Variants in NLRP11 observed in about 807,000 individuals in gnomAD.
NLRP11 encodes the protein NACHT, LRR and PYD domains-containing protein 11.
Under a neutral mutation model 79.3 loss-of-function variants are expected in NLRP11, and 53 were observed. That is an observed-to-expected ratio of 0.67 (90% confidence interval 0.54 to 0.84). The LOEUF (loss-of-function observed/expected upper bound fraction) is 0.84. Ranked by LOEUF, NLRP11 falls within the 40% of genes least tolerant of loss-of-function variation. NLRP11 has a pLI of 0.00. For missense variants in NLRP11, 1,264 were observed against 1,255.0 expected (o/e 1.01, Z -0.11); for synonymous variants, 518 against 462.6 (o/e 1.12, Z -1.54).
chr19:55,827,355 C>A (rs111843426), intron 1 of NLRP11, among the ~76,000 whole-genome samples: 1 of 141,988 alleles, frequency 7.0e-6, no homozygotes, highest in Non-Finnish European at 1.5e-5. Flanking sequence ...ATAGGCATGG[C>A]CAAGGACTTC....
rs1989800796 is a variant in NLRP11 at position 55,785,432 on chromosome 19, T to C, written c.*193A>G. On this transcript the variant is annotated 3_prime_UTR_variant, in exon 10 of 10. Transcript: ENST00000589093. ...ATGCATTTTATCCTTTATTACTTCA[T>C]ATAATCCTTTTAATACTCTTGAGAC... 6.1e-5 allele frequency: 34 copies of C among 555,948 alleles called. No homozygotes were observed. In the East Asian group the frequency reaches 1.1e-3, roughly 17 times the overall value. The allele number at this position is 555,948 out of a possible 1,614,324, so 34.4% of individuals were successfully genotyped here.
At chr19:55,814,317 G>A (rs776376050) in intron 2 of NLRP11, among the ~76,000 whole-genome samples, 3 of 152,062 alleles carry the variant, frequency 2.0e-5, no homozygotes, top group African/African-American at 4.8e-5. Flanking sequence ...ACATCATGGC[G>A]AGTTGTAGAA....
At chr19:55,805,460 C>T (rs1979897043) in intron 4 of NLRP11, among the ~76,000 whole-genome samples, 2 of 152,004 alleles carry the variant, frequency 1.3e-5, no homozygotes, top group South Asian at 4.1e-4. Context: ...CCTAGCAATT[C>T]TCCTGATCCC....
At chr19:55,821,612 CCA>C (rs1340272239) in intron 1 of NLRP11, among the ~76,000 whole-genome samples, 2 of 152,090 alleles carry the variant, frequency 1.3e-5, no homozygotes, top group Admixed American at 6.5e-5. Context: ...GCAGGCAAAC[CCA>C]TTAACATTGT....
chr19:55,817,344 A>C (rs1981230730), intron 2 of NLRP11, among the ~76,000 whole-genome samples: 1 of 152,144 alleles, frequency 6.6e-6, no homozygotes, highest in South Asian at 2.1e-4. Flanking sequence ...AGAGGAAAAC[A>C]AGTCATTATA....
chr19:55,800,556 T>C (rs1324617819), intron 5 of NLRP11, among the ~76,000 whole-genome samples: 1 of 152,118 alleles, frequency 6.6e-6, no homozygotes, highest in Non-Finnish European at 1.5e-5. Context: ...CCTCAAGTGA[T>C]CCACATCCTC....
chr19:55,820,040 A>G (rs1008588895), intron 1 of NLRP11, among the ~76,000 whole-genome samples: 2 of 152,174 alleles, frequency 1.3e-5, no homozygotes, highest in African/African-American at 4.8e-5. Context: ...CACCTATGGT[A>G]CCTGAGTTTT....
At chr19:55,796,351 G>T (rs1449437887) in intron 5 of NLRP11, 101 bp from the exon 6 acceptor site, 1 of 913,640 alleles carries the variant, frequency 1.1e-6, no homozygotes, top group Non-Finnish European at 1.6e-6. Context: ...CAAGTGCGAT[G>T]ATGTCTACTT....
exon 9 of NLRP11, chr19:55,788,842 G>A (rs781190698): frequency 6.2e-7 from 1 of 1,609,238 alleles, no homozygotes; most frequent in Non-Finnish European, 8.5e-7. Flanking sequence ...GGCTGATCAA[G>A]CTCTCAAGAA....
At chr19:55,785,979 T>A in intron 9 of NLRP11, 108 bp from the exon 10 acceptor site, 1 of 1,203,322 alleles carries the variant, frequency 8.3e-7, no homozygotes, top group Non-Finnish European at 1.2e-6. Flanking sequence ...TTCTTGGGAG[T>A]ATCTCAAGCC....
chr19:55,804,938 C>G (rs191772925), intron 4 of NLRP11, among the ~76,000 whole-genome samples: 2 of 152,028 alleles, frequency 1.3e-5, no homozygotes, highest in African/African-American at 4.8e-5. Flanking sequence ...TGGCGTGCAC[C>G]TCTAGTCCCA....
chr19:55,812,211 T>C (rs1980671060), intron 2 of NLRP11, among the ~76,000 whole-genome samples: 1 of 152,214 alleles, frequency 6.6e-6, no homozygotes, highest in African/African-American at 2.4e-5. Flanking sequence ...ATTATGCATA[T>C]ATCCCCATAT....
Position 55,809,124 on chromosome 19 carries a change from A to C in NLRP11, c.1486T>G (p.Phe496Val). The stretch of plus-strand genomic sequence containing the variant: ...CTCCTGTTTGCATTTAGAAGACCAA[A>C]AATGAAAGTAAACACTTGATTAAAG... Residue 496 changes from phenylalanine to valine, a missense_variant, in exon 3 of 10, where the codon TTT (phenylalanine) becomes GTT (valine). Coordinates refer to ENST00000589093, the Ensembl canonical transcript of NLRP11. The surrounding 1 kb of genome is among the most constrained non-coding windows in gnomAD (Gnocchi z 4.5). 1.1e-5 allele frequency: 18 copies of C among 1,613,926 alleles called. No homozygotes were observed. The highest frequency in any genetic ancestry group is 1.5e-5 in the Non-Finnish European group (18 of 1,179,996).
At chr19:55,796,726 G>A (rs372967181) in intron 5 of NLRP11, among the ~76,000 whole-genome samples, 16 of 149,552 alleles carry the variant, frequency 1.1e-4, no homozygotes, top group Admixed American at 4.0e-4. Context: ...TTGCTCTGTC[G>A]CCCAGGCTGG....
At chr19:55,790,088 C>G (rs563997856) in intron 7 of NLRP11, among the ~76,000 whole-genome samples, 2 of 152,266 alleles carry the variant, frequency 1.3e-5, no homozygotes, top group Admixed American at 1.3e-4. Context: ...ATGACTCCAT[C>G]CACAACCTTC....
chr19:55,832,518 G>A (rs543059567), upstream of NLRP11, among the ~76,000 whole-genome samples: 6 of 152,170 alleles, frequency 3.9e-5, no homozygotes, highest in Non-Finnish European at 7.3e-5. Flanking sequence ...GCTGCCTATT[G>A]GAATCACCTG....
chr19:55,785,540 T>G, exon 10 of NLRP11: 5 of 857,154 alleles, frequency 5.8e-6, no homozygotes, highest in Non-Finnish European at 7.0e-6. Context: ...CACACACACA[T>G]CAAATAGGAA....
intron 5 of NLRP11, among the ~76,000 whole-genome samples, chr19:55,799,534 T>C (rs889149827): frequency 6.6e-6 from 1 of 151,952 alleles, no homozygotes; most frequent in African/African-American, 2.4e-5. Context: ...GAGGAAAATG[T>C]GTTCCAAGAT....
chr19:55,801,394 T>C (rs903878176), intron 5 of NLRP11, among the ~76,000 whole-genome samples, 178 bp downstream of exon 5: 1 of 152,116 alleles, frequency 6.6e-6, no homozygotes, highest in Non-Finnish European at 1.5e-5. Flanking sequence ...ATGTAGAAAT[T>C]GAAATCAAAA....
Sources: allele counts gnomAD v4.1 joint callset (sites outside exome capture counted in the v4.1 genomes callset), GRCh38; gene constraint gnomAD v4.1.1; non-coding constraint Gnocchi (gnomAD v3.1); transcripts MANE v1.5; gene names NCBI Gene and HGNC (gene_info 2026-07-23, HGNC 2026-07-21).